XKR9: variants seen among roughly 807,000 people sequenced by gnomAD.
XKR9 encodes XK-related protein 9.
XKR9 carries 32 observed loss-of-function variants against 32.0 expected under a neutral mutation model. The ratio of observed to expected loss-of-function variants is 1.00; its 90% CI spans 0.76 to 1.34. The LOEUF (loss-of-function observed/expected upper bound fraction) is 1.34, where lower values mean the gene tolerates loss of function less well. XKR9 is among the 40% of genes most tolerant of loss of function. The probability of loss-of-function intolerance (pLI) is 0.00; values close to 1 mark genes in which losing one functional copy is unlikely to be tolerated. For synonymous variants in XKR9, 168 were observed against 143.4 expected, an observed-to-expected ratio of 1.17 and a Z score of -1.22; for missense variants, 546 against 429.7, an observed-to-expected ratio of 1.27 and a Z score of -2.39.
intron 4 of XKR9, among the ~76,000 whole-genome samples, chr8:70,711,371 A>G (rs570079545): frequency 1.3e-5 from 2 of 152,330 alleles, no homozygotes; most frequent in East Asian, 3.9e-4. Flanking sequence ...CATGGAATCA[A>G]CCTAGATGTC....
the XKR9 span, among the ~76,000 whole-genome samples, chr8:70,899,822 T>C: frequency 6.6e-6 from 1 of 152,222 alleles, no homozygotes; most frequent in African/African-American, 2.4e-5. Context: ...CTTTTTTGGA[T>C]ATATTATTGT....
rs143756436 is a variant in XKR9 at position 70,732,845 on chromosome 8, C to A, written c.494-951C>A. On this transcript the variant is annotated intron_variant, in intron 4 of 4. Transcript: ENST00000408926. ...TATATAGAAAGTGGTAGGCCAGGTG[C>A]AGTGGCTCACGCCTGTAATCCTAGC... Among the ~76,000 whole-genome samples, 3 of 152,286 alleles carry A rather than the reference C, an allele frequency of 2.0e-5. No individual in the cohort carries two copies. In the South Asian group the frequency reaches 6.2e-4, roughly 32 times the overall value.
chr8:70,860,478 G>A, the XKR9 span, among the ~76,000 whole-genome samples: 1 of 152,020 alleles, frequency 6.6e-6, no homozygotes, highest in Non-Finnish European at 1.5e-5. Context: ...AGCCACCAAG[G>A]TTATGGCACT....
At chr8:70,835,877 T>C in the XKR9 span, among the ~76,000 whole-genome samples, 2 of 152,102 alleles carry the variant, frequency 1.3e-5, no homozygotes, top group Admixed American at 1.3e-4. Context: ...TCAAACATTC[T>C]TTCACTGCTA....
At chr8:70,738,665 T>C (rs1369452836), downstream of XKR9, among the ~76,000 whole-genome samples, 1 of 152,198 alleles carries the variant, frequency 6.6e-6, no homozygotes, top group Non-Finnish European at 1.5e-5. Context: ...TTCTGGTATG[T>C]TGTGTCTTTG....
chr8:70,969,978 A>T, the XKR9 span, among the ~76,000 whole-genome samples: 1 of 152,170 alleles, frequency 6.6e-6, no homozygotes. Context: ...AGTTTCACAT[A>T]TGAGTGAGAA....
the XKR9 span, among the ~76,000 whole-genome samples, chr8:70,864,294 C>T: frequency 6.6e-6 from 1 of 152,158 alleles, no homozygotes; most frequent in Admixed American, 6.6e-5. Context: ...TTCTTCAATA[C>T]TGGGAGGCAA....
At chr8:70,937,793 A>G in the XKR9 span, among the ~76,000 whole-genome samples, 2 of 152,130 alleles carry the variant, frequency 1.3e-5, no homozygotes, top group African/African-American at 4.8e-5. Context: ...CAGGGCTTCC[A>G]GCACACTGAC....
At chr8:70,984,184 G>A in the XKR9 span, among the ~76,000 whole-genome samples, 6 of 152,296 alleles carry the variant, frequency 3.9e-5, no homozygotes, top group African/African-American at 1.4e-4. Flanking sequence ...AATGAGAAGT[G>A]CCTGTAATCT....
At chr8:70,732,266 C>A (rs1404518657) in intron 4 of XKR9, among the ~76,000 whole-genome samples, 1 of 152,220 alleles carries the variant, frequency 6.6e-6, no homozygotes, top group East Asian at 1.9e-4. Context: ...AAACCAGACA[C>A]CTTGTAATAG....
chr8:70,965,527 C>A, the XKR9 span, among the ~76,000 whole-genome samples: 2 of 152,222 alleles, frequency 1.3e-5, no homozygotes, highest in East Asian at 3.9e-4. Context: ...AGAAATGGTA[C>A]CAGCTTTTCT....
At chr8:70,715,073 C>T (rs368632704) in intron 4 of XKR9, among the ~76,000 whole-genome samples, 6 of 152,178 alleles carry the variant, frequency 3.9e-5, no homozygotes, top group Admixed American at 1.3e-4. Flanking sequence ...AGATGAGAAT[C>T]GACTATTGTG....
chr8:70,952,180 A>G, the XKR9 span, among the ~76,000 whole-genome samples: 1 of 151,088 alleles, frequency 6.6e-6, no homozygotes, highest in Non-Finnish European at 1.5e-5. Flanking sequence ...ACACACACAC[A>G]CACACACAGT....
At chr8:70,890,932 C>T in the XKR9 span, among the ~76,000 whole-genome samples, 2 of 151,850 alleles carry the variant, frequency 1.3e-5, no homozygotes, top group East Asian at 3.8e-4. Flanking sequence ...TTTGGCTTTT[C>T]TTTGTTGGGA....
intron 4 of XKR9, among the ~76,000 whole-genome samples, chr8:70,732,876 G>T (rs1806718783): frequency 6.6e-6 from 1 of 152,192 alleles, no homozygotes; most frequent in Non-Finnish European, 1.5e-5. Context: ...CTAGCCCTTT[G>T]GGAGGCTGAG....
the XKR9 span, among the ~76,000 whole-genome samples, chr8:71,051,083 G>A: frequency 0.09 from 13,736 of 151,838 alleles, 716 homozygotes; most frequent in African/African-American, 0.11. Flanking sequence ...ACAAAAACTA[G>A]GTCAAGAAAT....
At chr8:70,787,870 T>C (rs769224300) in intron 2 of XKR9, among the ~76,000 whole-genome samples, 20 of 152,020 alleles carry the variant, frequency 1.3e-4, no homozygotes, top group Non-Finnish European at 2.8e-4. Flanking sequence ...TATTAAGGTA[T>C]TTGGTCAAGG....
chr8:70,740,247 C>A (rs1337682077), downstream of XKR9, among the ~76,000 whole-genome samples: 2 of 152,152 alleles, frequency 1.3e-5, no homozygotes. Flanking sequence ...CCCTTTCTTC[C>A]AGTTGATCGC....
the XKR9 span, among the ~76,000 whole-genome samples, chr8:70,927,853 C>CTATG: frequency 6.6e-6 from 1 of 152,116 alleles, no homozygotes; most frequent in Admixed American, 6.6e-5. Context: ...GTTTGTGTTT[C>CTATG]CTGGCTTAGG....
Sources: allele counts gnomAD v4.1 joint callset (sites outside exome capture counted in the v4.1 genomes callset), GRCh38; gene constraint gnomAD v4.1.1; transcripts MANE v1.5; gene names NCBI Gene and HGNC (gene_info 2026-07-23, HGNC 2026-07-21).